ARID1B: variants seen among roughly 807,000 people sequenced by gnomAD.
ARID1B encodes the protein AT-rich interactive domain-containing protein 1B.
ARID1B carries 30 observed loss-of-function variants against 212.3 expected under a neutral mutation model. The observed-to-expected ratio is 0.14, with a 90% CI of 0.11 to 0.19. The LOEUF is 0.19. ARID1B is among the 10% of genes least tolerant of loss of function. ARID1B has a pLI of 1.00. For synonymous variants in ARID1B, 1,402 were observed against 1,301.7 expected, an observed-to-expected ratio of 1.08 and a Z score of -1.66; for missense variants, 2,891 against 3,204.0, an observed-to-expected ratio of 0.90 and a Z score of 2.36.
intron 4 of ARID1B, among the ~76,000 whole-genome samples, chr6:157,039,391 C>A (rs1220737878): frequency 1.5e-5 from 2 of 134,256 alleles, no homozygotes; most frequent in South Asian, 2.2e-4. Flanking sequence ...ACTGCAGTGG[C>A]GCAATCTCGG....
At chr6:156,875,452 A>T (rs1450854455) in intron 2 of ARID1B, among the ~76,000 whole-genome samples, 1 of 152,264 alleles carries the variant, frequency 6.6e-6, no homozygotes, top group Admixed American at 6.5e-5. Flanking sequence ...GTAATGGTCA[A>T]TGTTAAAAGC....
chr6:156,813,912 C>G (rs1012992306), intron 1 of ARID1B, among the ~76,000 whole-genome samples: 5 of 152,140 alleles, frequency 3.3e-5, no homozygotes, highest in African/African-American at 1.2e-4. Context: ...GCCCTCCAGA[C>G]CCCATCTCAA....
At chr6:156,808,063 G>A (rs548994735) in intron 1 of ARID1B, among the ~76,000 whole-genome samples, 39 of 152,292 alleles carry the variant, frequency 2.6e-4, no homozygotes, top group African/African-American at 8.4e-4. Context: ...TTGTTAAGCC[G>A]TGTTACTGTT....
intron 4 of ARID1B, among the ~76,000 whole-genome samples, chr6:157,039,419 T>C (rs955650332): frequency 7.6e-5 from 11 of 144,532 alleles, no homozygotes; most frequent in South Asian, 2.2e-4. Flanking sequence ...CAAGCTCCGC[T>C]TCCCGGGTTC....
intron 4 of ARID1B, among the ~76,000 whole-genome samples, chr6:156,987,188 AG>A (rs1381166865): frequency 2.0e-5 from 3 of 151,266 alleles, no homozygotes; most frequent in Non-Finnish European, 4.4e-5. Flanking sequence ...AGAGAGAGAG[AG>A]AGAGAGAGAC....
In ARID1B at chr6:157,201,637, A is replaced by G. The variant is rs1202704906; in HGVS notation, c.5263+149A>G. 3 of 999,594 alleles carry G rather than the reference A, an allele frequency of 3.0e-6. No individual in the cohort carries two copies. Among genetic ancestry groups the G allele is most frequent in the Admixed American group, 3.4e-5 (1 of 29,394 alleles). The allele number at this position is 999,594 out of a possible 1,614,324, so 61.9% of individuals were successfully genotyped here. A position where few individuals can be genotyped will look rare whatever the true frequency, so the allele number is the denominator to read the frequency against. On this transcript the variant is annotated intron_variant, in intron 18 of 19. Coordinates refer to ENST00000636930, the MANE Select transcript of ARID1B (RefSeq NM_001374828.1). This position sits in a 1 kb window ranked among gnomAD's most constrained non-coding sequence, Gnocchi z 5.2. The stretch of plus-strand genomic sequence containing the variant: ...AGATGCGTTTTTATATAGGAGTAAT[A>G]TAGTTGGAGGCTGCTAATCTGAATT...
Position 156,779,075 on chromosome 6 carries a change from C to CG in ARID1B, c.1400dup (p.Gly468ArgfsTer150). On this transcript the variant is annotated frameshift_variant, in exon 1 of 20. Transcript: ENST00000636930. LOFTEE classifies it high-confidence loss of function. ...AGGGCGGCGGCATGATGATGGGCCC[C>CG]GGGGGCGGCGGGGCCGCGAGCCTCA... is the stretch of plus-strand genomic sequence containing the variant. 8.2e-7 allele frequency: 1 copy of CG among 1,223,922 alleles called. No individual in the cohort carries two copies. The allele number at this position is 1,223,922 out of a possible 1,614,324, so 75.8% of individuals were successfully genotyped here.
At chr6:156,828,837 A>G (rs938521529) in intron 1 of ARID1B, among the ~76,000 whole-genome samples, 4 of 152,238 alleles carry the variant, frequency 2.6e-5, no homozygotes, top group Non-Finnish European at 5.9e-5. Flanking sequence ...GAAGGCAGAA[A>G]ATGTTAATCA....
At chr6:157,018,364 T>C (rs1483292295) in intron 4 of ARID1B, among the ~76,000 whole-genome samples, 1 of 152,024 alleles carries the variant, frequency 6.6e-6, no homozygotes, top group Non-Finnish European at 1.5e-5. Context: ...TACAGGCATG[T>C]GCCACTACAC....
At chr6:157,133,354 C>A in intron 7 of ARID1B, 147 bp downstream of exon 7, 1 of 901,576 alleles carries the variant, frequency 1.1e-6, no homozygotes, top group Non-Finnish European at 1.6e-6. Flanking sequence ...TACAAGCCCA[C>A]AGTACTTTAG....
rs60456886 is a variant in ARID1B at position 156,911,541 on chromosome 6, G to A, written c.2136+10016G>A. On this transcript the variant is annotated intron_variant, in intron 3 of 19. Transcript: ENST00000636930. ...CAACTAACTACTCCGTTGAAATTTTGTCACTACATGTGTTATATATGTCCT... is the reference window on the plus strand; with the variant it reads ...CAACTAACTACTCCGTTGAAATTTTATCACTACATGTGTTATATATGTCCT... 1.9e-3 allele frequency among the ~76,000 whole-genome samples: 284 copies of A among 151,968 alleles called. 2 individuals carry two copies. Among genetic ancestry groups the A allele is most frequent in the African/African-American group, 6.4e-3 (266 of 41,434 alleles).
At chr6:156,967,167 TG>T (rs1433759963) in intron 4 of ARID1B, among the ~76,000 whole-genome samples, 1 of 152,244 alleles carries the variant, frequency 6.6e-6, no homozygotes, top group Non-Finnish European at 1.5e-5. Flanking sequence ...TGGGGGATTT[TG>T]AAAGGGTCAT....
At chr6:156,851,282 G>T (rs976863293) in intron 2 of ARID1B, among the ~76,000 whole-genome samples, 1 of 152,318 alleles carries the variant, frequency 6.6e-6, no homozygotes, top group East Asian at 1.9e-4. Flanking sequence ...TGTTCTCCAA[G>T]ACCATTCAGT....
intron 2 of ARID1B, among the ~76,000 whole-genome samples, chr6:156,833,300 T>C (rs1026104120): frequency 2.0e-5 from 3 of 152,206 alleles, no homozygotes; most frequent in Non-Finnish European, 4.4e-5. Flanking sequence ...TTTCTTATCC[T>C]TCGTGATCAT....
intron 4 of ARID1B, among the ~76,000 whole-genome samples, chr6:157,035,192 T>C (rs1010130727): frequency 2.0e-5 from 3 of 152,246 alleles, no homozygotes; most frequent in Non-Finnish European, 4.4e-5. Context: ...TTTTATAATA[T>C]GATAAAATAT....
At chr6:157,063,305 C>T (rs1251605610) in intron 4 of ARID1B, among the ~76,000 whole-genome samples, 1 of 152,074 alleles carries the variant, frequency 6.6e-6, no homozygotes, top group East Asian at 1.9e-4. Context: ...CAAGCAAATA[C>T]CAGGTGCTTT....
At chr6:156,848,444 T>C (rs1784368087) in intron 2 of ARID1B, among the ~76,000 whole-genome samples, 1 of 152,266 alleles carries the variant, frequency 6.6e-6, no homozygotes. Flanking sequence ...ACTCTACATA[T>C]GGTCTTTCAA....
At chr6:157,194,858 G>T (rs1793609258) in intron 15 of ARID1B, 1 of 152,110 alleles carries the variant, frequency 6.6e-6, no homozygotes, top group African/African-American at 2.4e-5. Context: ...GATGACTCAT[G>T]CCTGTAATTC....
intron 4 of ARID1B, among the ~76,000 whole-genome samples, chr6:156,992,204 GC>G (rs1778312342): frequency 6.6e-6 from 1 of 152,172 alleles, no homozygotes; most frequent in South Asian, 2.1e-4. Flanking sequence ...TGTATTTCCT[GC>G]TGTGAAATAT....
Sources: allele counts gnomAD v4.1 joint callset (sites outside exome capture counted in the v4.1 genomes callset), GRCh38; gene constraint gnomAD v4.1.1; non-coding constraint Gnocchi (gnomAD v3.1); transcripts MANE v1.5; gene names NCBI Gene and HGNC (gene_info 2026-07-23, HGNC 2026-07-21).